FAM184A: variants seen among roughly 807,000 people sequenced by gnomAD.
FAM184A encodes protein FAM184A.
A neutral mutation model predicts 143.8 loss-of-function variants in FAM184A; 99 were observed. That is an observed-to-expected ratio of 0.69 (90% CI 0.58 to 0.81). FAM184A has a LOEUF of 0.81. FAM184A is among the 40% of genes least tolerant of loss of function. FAM184A has a pLI of 0.00. For missense variants in FAM184A, 1,217 were observed against 1,310.5 expected (o/e 0.93, Z 1.10); for synonymous variants, 427 against 446.4 (o/e 0.96, Z 0.55).
chr6:119,092,130 G>C (rs1788387281), intron 1 of FAM184A, among the ~76,000 whole-genome samples: 2 of 152,094 alleles, frequency 1.3e-5, no homozygotes, highest in South Asian at 2.1e-4. Flanking sequence ...ACTTTTATTT[G>C]CCTGCTTATT....
chr6:119,079,645 C>T (rs1788003051), upstream of FAM184A, among the ~76,000 whole-genome samples: 1 of 152,048 alleles, frequency 6.6e-6, no homozygotes, highest in Non-Finnish European at 1.5e-5. Flanking sequence ...TTTTAAAAAT[C>T]GTATCTCCAC....
intron 1 of FAM184A, among the ~76,000 whole-genome samples, chr6:119,028,645 C>T (rs183732109): frequency 3.0e-4 from 46 of 152,300 alleles, no homozygotes; most frequent in African/African-American, 1.0e-3. Flanking sequence ...ACAGACCCTG[C>T]CCTATGCATC....
intron 1 of FAM184A, among the ~76,000 whole-genome samples, chr6:119,059,903 T>C (rs1787160248): frequency 6.6e-6 from 1 of 152,246 alleles, no homozygotes; most frequent in Non-Finnish European, 1.5e-5. Context: ...AAAAGACTAT[T>C]GTTTGGTATA....
intron 1 of FAM184A, among the ~76,000 whole-genome samples, chr6:119,091,895 G>A (rs1188128438): frequency 6.6e-6 from 1 of 152,150 alleles, no homozygotes; most frequent in Non-Finnish European, 1.5e-5. Flanking sequence ...AATACAGTTG[G>A]GGCCTTGCAT....
intron 6 of FAM184A, among the ~76,000 whole-genome samples, chr6:119,009,025 A>G (rs570882960): frequency 6.6e-6 from 1 of 152,178 alleles, no homozygotes; most frequent in Non-Finnish European, 1.5e-5. Context: ...CTGAAAGCAC[A>G]CTACCTGAAA....
Position 118,961,964 on chromosome 6 carries a change from C to T in FAM184A, c.3139-1G>A. On this transcript the variant is annotated splice_acceptor_variant, in intron 16 of 17. Transcript: ENST00000338891. LOFTEE classifies it high-confidence loss of function. ...GTGATTTATCATTCTTCTTCTTTTGCTGCATTAAAAATAATACATGTGAGG... is the reference window on the plus strand; with the variant it reads ...GTGATTTATCATTCTTCTTCTTTTGTTGCATTAAAAATAATACATGTGAGG... The T allele has an allele frequency of 6.2e-7, 1 of 1,613,018 alleles. No homozygotes were observed. Among genetic ancestry groups the T allele is most frequent in the African/African-American group, 1.3e-5 (1 of 74,926 alleles).
chr6:119,089,232 C>T (rs1367526930), intron 1 of FAM184A, among the ~76,000 whole-genome samples: 2 of 147,130 alleles, frequency 1.4e-5, no homozygotes, highest in East Asian at 3.9e-4. Flanking sequence ...GAGACAGAGT[C>T]TCACTCTGTC....
At chr6:119,125,273 T>G (rs1199483374) in intron 1 of FAM184A, among the ~76,000 whole-genome samples, 2 of 152,176 alleles carry the variant, frequency 1.3e-5, no homozygotes, top group African/African-American at 4.8e-5. Flanking sequence ...AACAAAATAT[T>G]ATTTCCTTCT....
intron 14 of FAM184A, among the ~76,000 whole-genome samples, chr6:118,973,393 T>C (rs1783752787): frequency 6.6e-6 from 1 of 152,188 alleles, no homozygotes; most frequent in African/African-American, 2.4e-5. Flanking sequence ...GAGGTTATTC[T>C]AGACTGTAGA....
intron 4 of FAM184A, among the ~76,000 whole-genome samples, chr6:119,017,820 C>T (rs556136491): frequency 1.8e-4 from 27 of 152,258 alleles, no homozygotes; most frequent in African/African-American, 6.0e-4. Flanking sequence ...ATATGAATAG[C>T]TTGGTGCTGT....
At chr6:118,996,434 A>G (rs1337957671) in intron 9 of FAM184A, among the ~76,000 whole-genome samples, 2 of 152,188 alleles carry the variant, frequency 1.3e-5, no homozygotes, top group Non-Finnish European at 2.9e-5. Context: ...TTTTCTAAGA[A>G]AGTGAAATTA....
At chr6:118,992,140 A>G (rs566669852) in intron 9 of FAM184A, among the ~76,000 whole-genome samples, 10 of 152,242 alleles carry the variant, frequency 6.6e-5, no homozygotes, top group African/African-American at 2.4e-4. Context: ...TGCTGTAAGA[A>G]AAGTGAAATT....
chr6:119,134,442 C>T (rs921492643), intron 1 of FAM184A, among the ~76,000 whole-genome samples: 11 of 151,620 alleles, frequency 7.3e-5, no homozygotes, highest in Admixed American at 1.3e-4. Flanking sequence ...GCTTGAGTCC[C>T]GAAGTTTGAG....
chr6:119,142,400 A>C (rs1020189379), intron 1 of FAM184A, among the ~76,000 whole-genome samples: 3 of 152,192 alleles, frequency 2.0e-5, no homozygotes, highest in Non-Finnish European at 4.4e-5. Context: ...GGCCACAACA[A>C]TTAGAAAGTT....
intron 1 of FAM184A, among the ~76,000 whole-genome samples, chr6:119,054,917 C>G (rs1162120983): frequency 6.6e-6 from 1 of 151,886 alleles, no homozygotes; most frequent in Non-Finnish European, 1.5e-5. Context: ...ATAAAATTCA[C>G]CCCCTTTAAA....
intron 1 of FAM184A, among the ~76,000 whole-genome samples, chr6:119,065,531 C>T (rs1021974618): frequency 2.0e-5 from 3 of 152,164 alleles, no homozygotes; most frequent in Non-Finnish European, 4.4e-5. Context: ...ACGTGTCCTT[C>T]CTTTATTCTT....
chr6:119,068,653 C>T (rs938617771), intron 1 of FAM184A, among the ~76,000 whole-genome samples: 1 of 152,136 alleles, frequency 6.6e-6, no homozygotes. Context: ...CCTCACTGGG[C>T]CGTTTGGCTC....
At chr6:119,002,585 T>C (rs1265117783) in intron 9 of FAM184A, among the ~76,000 whole-genome samples, 1 of 152,060 alleles carries the variant, frequency 6.6e-6, no homozygotes, top group Non-Finnish European at 1.5e-5. Flanking sequence ...TCTAAGGACA[T>C]GAAAAAAGAT....
intron 1 of FAM184A, among the ~76,000 whole-genome samples, chr6:119,067,733 G>C (rs572307634): frequency 3.3e-4 from 51 of 152,300 alleles, no homozygotes; most frequent in African/African-American, 1.2e-3. Flanking sequence ...CGAATAATGA[G>C]AACTGACTAT....
Sources: gnomAD v4.1 joint callset for allele counts (sites outside exome capture counted in the v4.1 genomes callset) on GRCh38, gnomAD v4.1.1 for gene constraint, MANE v1.5 for transcripts, NCBI Gene and HGNC (gene_info 2026-07-23, HGNC 2026-07-21) for gene names.